CLMP: variants seen among roughly 807,000 people sequenced by gnomAD.
The protein encoded by CLMP is CXADR-like membrane protein.
CLMP carries 27 observed loss-of-function variants against 45.2 expected under a neutral mutation model. That is an observed-to-expected ratio of 0.60 (90% CI 0.44 to 0.82). CLMP has a LOEUF of 0.82. CLMP is among the 40% of genes least tolerant of loss of function. The pLI is 0.00. For synonymous variants in CLMP, 167 were observed against 171.4 expected (o/e 0.97, Z 0.20); for missense variants, 403 against 448.4 (o/e 0.90, Z 0.91).
chr11:123,081,616 A>T (rs74236722), intron 5 of CLMP, among the ~76,000 whole-genome samples: 1 of 152,196 alleles, frequency 6.6e-6, no homozygotes, highest in African/African-American at 2.4e-5. Context: ...CATGCCGGTA[A>T]TCGCAGCACT....
intron 1 of CLMP, among the ~76,000 whole-genome samples, chr11:123,152,809 A>C (rs1026041119): frequency 1.3e-5 from 2 of 152,088 alleles, no homozygotes; most frequent in Admixed American, 1.3e-4. Context: ...GGACCTTGCC[A>C]CTTTTTCCCT....
intron 1 of CLMP, among the ~76,000 whole-genome samples, chr11:123,167,237 G>A (rs1861569469): frequency 6.6e-6 from 1 of 152,124 alleles, no homozygotes; most frequent in Non-Finnish European, 1.5e-5. Context: ...CTTGTTCAAG[G>A]TTTTGAAACC....
intron 3 of CLMP, 137 bp downstream of exon 3, chr11:123,084,375 A>G: frequency 1.5e-6 from 1 of 666,470 alleles, no homozygotes; most frequent in East Asian, 2.7e-5. Flanking sequence ...CTTTCCAGGG[A>G]ACTGGACGAG....
At chr11:123,186,209 GTTGT>G (rs1300865658) in intron 1 of CLMP, among the ~76,000 whole-genome samples, 1 of 152,184 alleles carries the variant, frequency 6.6e-6, no homozygotes. Context: ...AATCTCACAG[GTTGT>G]TTAAGAATAT....
intron 2 of CLMP, among the ~76,000 whole-genome samples, chr11:123,093,509 G>C (rs1050036818): frequency 6.6e-6 from 1 of 151,936 alleles, no homozygotes; most frequent in Non-Finnish European, 1.5e-5. Context: ...ACCATGCCTG[G>C]CTAATTTTTT....
intron 1 of CLMP, among the ~76,000 whole-genome samples, chr11:123,127,895 C>T (rs918127721): frequency 2.6e-5 from 4 of 151,922 alleles, no homozygotes; most frequent in Admixed American, 6.6e-5. Context: ...AAAAATTAGC[C>T]GGGCGTGGTG....
intron 1 of CLMP, among the ~76,000 whole-genome samples, chr11:123,183,422 G>T (rs1159506678): frequency 1.3e-5 from 2 of 152,056 alleles, no homozygotes; most frequent in Non-Finnish European, 2.9e-5. Flanking sequence ...GTAAAGACAG[G>T]GTTTCACTAT....
Position 123,114,037 on chromosome 11 carries a change from G to T in CLMP, c.29-16085C>A, listed in dbSNP as rs981259554. 3.9e-5 allele frequency among the ~76,000 whole-genome samples: 6 copies of T among 152,100 alleles called. No individual in the cohort carries two copies. The East Asian group carries it at 5.8e-4, about 15-fold the overall frequency. ...AGATCTCATGCTAACCTATTTCATT[G>T]ACATGTCTATTTATAGTCGCTGTCT... On this transcript the variant is annotated intron_variant, in intron 1 of 6. Transcript: ENST00000448775.
At chr11:123,085,769 G>GTTTTTTTTTTTT (rs200240564) in intron 2 of CLMP, among the ~76,000 whole-genome samples, 1 of 134,208 alleles carries the variant, frequency 7.5e-6, no homozygotes, top group Non-Finnish European at 1.6e-5. Flanking sequence ...AATTTTTTAT[G>GTTTTTTTTTTTT]TTTTTTTTTT....
chr11:123,125,563 TCCTCCCTCCCTC>T (rs1230906897), intron 1 of CLMP, among the ~76,000 whole-genome samples: 1 of 91,442 alleles, frequency 1.1e-5, no homozygotes. Flanking sequence ...CTCCCTCCCT[TCCTCCCTCCCTC>T]CCTCCCTCCT....
intron 1 of CLMP, among the ~76,000 whole-genome samples, chr11:123,099,081 C>T (rs1014735628): frequency 3.3e-5 from 5 of 152,122 alleles, no homozygotes; most frequent in Non-Finnish European, 7.3e-5. Context: ...ATTCTCCAAC[C>T]TTGGCCTCAC....
At chr11:123,075,104 C>T (rs919374308) in intron 5 of CLMP, among the ~76,000 whole-genome samples, 1 of 151,970 alleles carries the variant, frequency 6.6e-6, no homozygotes, top group Non-Finnish European at 1.5e-5. Flanking sequence ...CACAGGCGTG[C>T]ACCACCACGC....
At chr11:123,146,460 A>T (rs1237985953) in intron 1 of CLMP, among the ~76,000 whole-genome samples, 1 of 152,006 alleles carries the variant, frequency 6.6e-6, no homozygotes, top group Non-Finnish European at 1.5e-5. Flanking sequence ...GGGAAAACAG[A>T]TGCATCAGAC....
intron 1 of CLMP, chr11:123,136,423 A>T (rs966769181): frequency 9.0e-6 from 3 of 332,388 alleles, no homozygotes; most frequent in Admixed American, 4.8e-5. Flanking sequence ...GGTCCCCCCC[A>T]CCCCGCCCTC....
chr11:123,130,358 A>AATGGCCCCAGG (rs762155970), intron 1 of CLMP, among the ~76,000 whole-genome samples: 70 of 152,260 alleles, frequency 4.6e-4, no homozygotes, highest in Non-Finnish European at 9.0e-4. Flanking sequence ...GGTGCTGGGA[A>AATGGCCCCAGG]ATGGCCCCAG....
chr11:123,111,556 C>A (rs1860638768), intron 1 of CLMP, among the ~76,000 whole-genome samples: 2 of 152,168 alleles, frequency 1.3e-5, no homozygotes, highest in Admixed American at 1.3e-4. Flanking sequence ...TCTTTCCTTT[C>A]TGTTGCTCTT....
intron 5 of CLMP, among the ~76,000 whole-genome samples, chr11:123,078,564 A>T (rs759046865): frequency 6.6e-6 from 1 of 151,934 alleles, no homozygotes; most frequent in Non-Finnish European, 1.5e-5. Context: ...TTCCTACCTC[A>T]GCCTCCCGAG....
chr11:123,177,878 C>T lies in CLMP; in HGVS notation c.28+17035G>A, dbSNP rs78040104. Among the ~76,000 whole-genome samples, 415 of 152,190 alleles carry T rather than the reference C, an allele frequency of 2.7e-3. 11 individuals are homozygous for T. In the East Asian group the frequency reaches 0.067, roughly 25 times the overall value. Reference sequence around the variant, plus strand: ...TTTAATTATTTTATTATTTTTAACACGGGGTCTCACTCTGTTGCCCAGGCT... The same window carrying T: ...TTTAATTATTTTATTATTTTTAACATGGGGTCTCACTCTGTTGCCCAGGCT... On this transcript the variant is annotated intron_variant, in intron 1 of 6. Transcript: ENST00000448775.
chr11:123,119,052 CCTCTCT>C (rs759949891), intron 1 of CLMP, among the ~76,000 whole-genome samples: 712 of 19,444 alleles, frequency 0.037, 60 homozygotes, highest in East Asian at 0.14. Context: ...TCTCCCTCTC[CCTCTCT>C]CTCTCTCTCT....
Sources: gnomAD v4.1 joint callset for allele counts (sites outside exome capture counted in the v4.1 genomes callset) on GRCh38, gnomAD v4.1.1 for gene constraint, MANE v1.5 for transcripts, NCBI Gene and HGNC (gene_info 2026-07-23, HGNC 2026-07-21) for gene names.